CNTN6: variants seen among roughly 807,000 people sequenced by gnomAD.
CNTN6 encodes contactin-6.
A neutral mutation model predicts 122.8 loss-of-function variants in CNTN6; 137 were observed. The observed-to-expected ratio is 1.12, with a 90% confidence interval of 0.97 to 1.29. CNTN6 has a LOEUF of 1.29. Ranked by LOEUF, CNTN6 falls within the 50% of genes most tolerant of loss-of-function variation. The pLI is 0.00. For missense variants in CNTN6, 1,634 were observed against 1,223.4 expected (o/e 1.34, Z -5.01); for synonymous variants, 570 against 426.0 (o/e 1.34, Z -4.16).
In CNTN6 at chr3:1,260,576, A is replaced by G. The variant is rs139147181; in HGVS notation, c.359-17837A>G. ...ATAAAACAAAAACTGAGGTGATTTT[A>G]TAACACATTATGATATGGTTTGGCT... On this transcript the variant is annotated intron_variant, in intron 4 of 22. Transcript: ENST00000446702. Among the ~76,000 whole-genome samples, 98 of 152,182 alleles carry G rather than the reference A, an allele frequency of 6.4e-4. 2 individuals carry two copies. The East Asian group carries it at 0.018, about 28-fold the overall frequency.
intron 5 of CNTN6, among the ~76,000 whole-genome samples, chr3:1,283,206 C>T (rs1283240894): frequency 1.3e-5 from 2 of 152,132 alleles, no homozygotes; most frequent in Non-Finnish European, 2.9e-5. Context: ...CCGCCTGCCT[C>T]GGCTTCCCAA....
intron 7 of CNTN6, among the ~76,000 whole-genome samples, chr3:1,303,332 C>CT (rs898833591): frequency 6.6e-6 from 1 of 151,986 alleles, no homozygotes; most frequent in African/African-American, 2.4e-5. Context: ...AGGCTTTGCA[C>CT]TTTTTTTTGA....
chr3:1,275,682 G>C (rs1692212887), intron 4 of CNTN6, among the ~76,000 whole-genome samples: 1 of 152,142 alleles, frequency 6.6e-6, no homozygotes, highest in Non-Finnish European at 1.5e-5. Flanking sequence ...GGTGATGGGA[G>C]ACAGTGACAG....
intron 4 of CNTN6, among the ~76,000 whole-genome samples, chr3:1,247,852 T>TAA (rs201448124): frequency 6.6e-6 from 1 of 150,584 alleles, no homozygotes; most frequent in Non-Finnish European, 1.5e-5. Flanking sequence ...TAACATTTGT[T>TAA]AAAAAAAAAA....
At chr3:1,240,298 C>T (rs1346521478) in intron 4 of CNTN6, among the ~76,000 whole-genome samples, 1 of 152,106 alleles carries the variant, frequency 6.6e-6, no homozygotes, top group Non-Finnish European at 1.5e-5. Context: ...TATCGAGAAT[C>T]TACAAGGAAC....
intron 12 of CNTN6, among the ~76,000 whole-genome samples, chr3:1,356,532 G>A (rs570976498): frequency 1.3e-5 from 2 of 151,884 alleles, no homozygotes; most frequent in Admixed American, 6.6e-5. Context: ...GGCTCTAGAA[G>A]GCAGTTTGAA....
intron 5 of CNTN6, among the ~76,000 whole-genome samples, chr3:1,288,493 A>G (rs1023062201): frequency 6.6e-6 from 1 of 152,216 alleles, no homozygotes; most frequent in Non-Finnish European, 1.5e-5. Context: ...TTAACCCTGG[A>G]GCACTACACA....
At chr3:1,326,008 C>T in intron 9 of CNTN6, 57 bp downstream of exon 9, 2 of 1,477,094 alleles carry the variant, frequency 1.4e-6, no homozygotes, top group Non-Finnish European at 1.8e-6. Context: ...AATTTTGTTA[C>T]TAACAGTACT....
chr3:1,098,268 A>C (rs1015121295), intron 1 of CNTN6, among the ~76,000 whole-genome samples: 2 of 151,914 alleles, frequency 1.3e-5, no homozygotes, highest in Middle Eastern at 3.2e-3. Context: ...TAAAAAAAAG[A>C]GAAAGGGTAT....
chr3:1,123,462 A>G (rs1005622753), intron 1 of CNTN6, among the ~76,000 whole-genome samples: 12 of 151,956 alleles, frequency 7.9e-5, no homozygotes, highest in Non-Finnish European at 1.2e-4. Flanking sequence ...GCTGGCATAT[A>G]GGAACATAAC....
rs185460257 is a variant in CNTN6 at position 1,404,150 on chromosome 3, G to A, written c.*732G>A. ...GAACTGCTGCATGAACAAATCTCAG[G>A]TAATTATGACAAGTTGATTGCAATG... On this transcript the variant is annotated 3_prime_UTR_variant, in exon 23 of 23. Coordinates refer to ENST00000446702, the MANE Select transcript of CNTN6 (RefSeq NM_001289080.2). 6.6e-6 allele frequency: 1 copy of A among 152,230 alleles called. No individual in the cohort carries two copies. Among genetic ancestry groups the A allele is most frequent in the East Asian group, 1.9e-4 (1 of 5,172 alleles). 9.4% of individuals were successfully genotyped at this position (152,230 alleles called of 1,614,324 possible). A position where few individuals can be genotyped will look rare whatever the true frequency, so the allele number is the denominator to read the frequency against.
intron 16 of CNTN6, among the ~76,000 whole-genome samples, chr3:1,374,929 G>T (rs938129761): frequency 1.4e-4 from 22 of 152,014 alleles, no homozygotes; most frequent in Non-Finnish European, 2.9e-4. Context: ...ATTAAATCAC[G>T]CTAGAAGCTT....
At chr3:1,347,926 C>T (rs942671835) in intron 11 of CNTN6, among the ~76,000 whole-genome samples, 7 of 151,756 alleles carry the variant, frequency 4.6e-5, no homozygotes, top group Non-Finnish European at 1.0e-4. Flanking sequence ...GTTCTCAGGC[C>T]TCTTTGTTCA....
intron 7 of CNTN6, among the ~76,000 whole-genome samples, chr3:1,301,453 C>A (rs1220386464): frequency 6.6e-6 from 1 of 152,012 alleles, no homozygotes; most frequent in East Asian, 1.9e-4. Flanking sequence ...ACAAAAGAAA[C>A]CCCCTGATAA....
intron 4 of CNTN6, among the ~76,000 whole-genome samples, chr3:1,236,997 C>T (rs1036492733): frequency 2.0e-5 from 3 of 151,846 alleles, no homozygotes; most frequent in Non-Finnish European, 2.9e-5. Context: ...AGGAGAATGG[C>T]GTGAACCTGG....
chr3:1,241,826 C>T (rs1403600194), intron 4 of CNTN6, among the ~76,000 whole-genome samples: 2 of 152,204 alleles, frequency 1.3e-5, no homozygotes, highest in African/African-American at 2.4e-5. Flanking sequence ...CAACTTGGGC[C>T]TGGAGGACTG....
intron 2 of CNTN6, among the ~76,000 whole-genome samples, chr3:1,178,300 T>C (rs1304471652): frequency 6.6e-6 from 1 of 152,154 alleles, no homozygotes; most frequent in African/African-American, 2.4e-5. Context: ...CTTTGTGTTT[T>C]AGTTTAGGAA....
At chr3:1,387,947 T>A (rs1012691062) in intron 20 of CNTN6, among the ~76,000 whole-genome samples, 9 of 151,520 alleles carry the variant, frequency 5.9e-5, no homozygotes, top group African/African-American at 2.2e-4. Flanking sequence ...AGCACAGCAG[T>A]CTGAGATCAA....
intron 12 of CNTN6, among the ~76,000 whole-genome samples, chr3:1,365,663 T>A (rs1414361558): frequency 6.6e-6 from 1 of 152,064 alleles, no homozygotes; most frequent in Non-Finnish European, 1.5e-5. Flanking sequence ...AATAAAATTT[T>A]AAAAATAAAT....
Sources: gnomAD v4.1 joint callset for allele counts (sites outside exome capture counted in the v4.1 genomes callset) on GRCh38, gnomAD v4.1.1 for gene constraint, MANE v1.5 for transcripts, NCBI Gene and HGNC (gene_info 2026-07-23, HGNC 2026-07-21) for gene names.